Variants in YTHDC1 observed in about 807,000 individuals in gnomAD.
YTHDC1 encodes YTH domain-containing protein 1.
A neutral mutation model predicts 107.0 loss-of-function variants in YTHDC1; 12 were observed. That is an observed-to-expected ratio of 0.11 (90% CI 0.07 to 0.18). YTHDC1 has a LOEUF of 0.18. Among genes scored for constraint, YTHDC1 ranks in the 10% least tolerant of loss-of-function variants. The probability of loss-of-function intolerance (pLI) is 1.00; values close to 1 mark genes in which losing one functional copy is unlikely to be tolerated. For missense variants in YTHDC1, 635 were observed against 898.8 expected (o/e 0.71, Z 3.75); for synonymous variants, 280 against 289.5 (o/e 0.97, Z 0.33).
In YTHDC1 at chr4:68,338,493, T is replaced by C. The variant is rs1037159759; in HGVS notation, c.29-109A>G. On this transcript the variant is annotated intron_variant, in intron 1 of 16. Coordinates refer to ENST00000344157, the MANE Select transcript of YTHDC1 (RefSeq NM_001031732.4). Reference sequence around the variant, plus strand: ...AAGCGCCTAGGAGCTTTTACTTTTATATAAAAAGCTTTACTTTTATTTCAG... The same window carrying C: ...AAGCGCCTAGGAGCTTTTACTTTTACATAAAAAGCTTTACTTTTATTTCAG... 32 of 665,684 alleles carry C rather than the reference T, an allele frequency of 4.8e-5. No homozygotes were observed. The South Asian group carries it at 6.5e-4, about 13-fold the overall frequency. The allele number at this position is 665,684 out of a possible 1,614,324, so 41.2% of individuals were successfully genotyped here.
chr4:68,328,725 A>C (rs537648389), intron 9 of YTHDC1, among the ~76,000 whole-genome samples: 82 of 152,210 alleles, frequency 5.4e-4, no homozygotes, highest in Non-Finnish European at 9.3e-4. Flanking sequence ...TAATACAGTT[A>C]TGTGTCACTT....
At position 68,318,509 on chromosome 4, in the gene YTHDC1, T is replaced by C. The variant is rs1383483320; in HGVS notation, c.1824+10A>G. The stretch of plus-strand genomic sequence containing the variant: ...AGTTATGTAACTTATAAAAATAGAA[T>C]AATACAAACCATTCCTTGCCAAGGT... On this transcript the variant is annotated intron_variant, in intron 15 of 16. Coordinates refer to ENST00000344157, the MANE Select transcript of YTHDC1 (RefSeq NM_001031732.4). 1 of 1,600,488 alleles carries C rather than the reference T, an allele frequency of 6.2e-7. No individual in the cohort carries two copies. Among genetic ancestry groups the C allele is most frequent in the East Asian group, 2.2e-5 (1 of 44,742 alleles).
In YTHDC1 at chr4:68,348,128, T is replaced by A. The variant is rs188039384; in HGVS notation, c.28+1598A>T. 2.3e-3 allele frequency among the ~76,000 whole-genome samples: 345 copies of A among 152,346 alleles called. 3 individuals carry two copies. The highest frequency in any genetic ancestry group is 4.5e-3 in the Non-Finnish European group (306 of 68,028). On this transcript the variant is annotated intron_variant, in intron 1 of 16. Coordinates refer to ENST00000344157, the MANE Select transcript of YTHDC1 (RefSeq NM_001031732.4). ...TTTATGTATTTGGACTGCATTATCA[T>A]CACTAAATCATTTCTAAAGCAAAAC...
At chr4:68,349,648 C>CCAACCA in intron 1 of YTHDC1, 78 bp downstream of exon 1, 1 of 458,744 alleles carries the variant, frequency 2.2e-6, no homozygotes. Flanking sequence ...CCCCCCACCC[C>CCAACCA]CAACGACGAC....
intron 9 of YTHDC1, among the ~76,000 whole-genome samples, chr4:68,325,244 G>A (rs1033888543): frequency 2.0e-5 from 3 of 152,130 alleles, no homozygotes; most frequent in Non-Finnish European, 2.9e-5. Flanking sequence ...CAAAGACAAT[G>A]GGTACTATAT....
chr4:68,313,248 A>C lies in YTHDC1; in HGVS notation c.*851T>G, dbSNP rs1334255667. On this transcript the variant is annotated 3_prime_UTR_variant, in exon 17 of 17. Coordinates refer to ENST00000344157, the MANE Select transcript of YTHDC1 (RefSeq NM_001031732.4). ...GGGGTTCCTAAAATTCCTGAACAAA[A>C]AGCATGCTTTTATGTCCATTATTGC... The C allele has an allele frequency of 6.6e-6, 1 of 152,400 alleles. No homozygotes were observed. The highest frequency in any genetic ancestry group is 1.5e-5 in the Non-Finnish European group (1 of 68,026). The allele number at this position is 152,400 out of a possible 1,614,324, so 9.4% of individuals were successfully genotyped here.
At chr4:68,349,521 G>A (rs1459356612) in intron 1 of YTHDC1, among the ~76,000 whole-genome samples, 1 of 151,918 alleles carries the variant, frequency 6.6e-6, no homozygotes, top group East Asian at 1.9e-4. Flanking sequence ...CTGAGATGAA[G>A]TGCTAGGCCA....
chr4:68,349,861 C>G lies in YTHDC1; in HGVS notation c.-108G>C. The G allele has an allele frequency of 6.6e-7, 1 of 1,506,064 alleles. No homozygotes were observed. Among genetic ancestry groups the G allele is most frequent in the Non-Finnish European group, 9.1e-7 (1 of 1,093,144 alleles). 93.3% of individuals were successfully genotyped at this position (1,506,064 alleles called of 1,614,324 possible). ...ACGGGCCCGTCCGTCAGTCCGTCTG[C>G]CCGGATACGCGCGTCGCACTTGGCC... On this transcript the variant is annotated 5_prime_UTR_variant, in exon 1 of 17. Transcript: ENST00000344157.
intron 9 of YTHDC1, among the ~76,000 whole-genome samples, chr4:68,326,375 G>A (rs1722991528): frequency 1.3e-5 from 2 of 152,128 alleles, no homozygotes; most frequent in Non-Finnish European, 1.5e-5. Context: ...AAGAAAAATT[G>A]CAGGGTCTGT....
At chr4:68,340,520 T>C (rs1156943993) in intron 1 of YTHDC1, among the ~76,000 whole-genome samples, 2 of 152,026 alleles carry the variant, frequency 1.3e-5, no homozygotes, top group Non-Finnish European at 2.9e-5. Flanking sequence ...TTCTTCAAGA[T>C]CTGAATGGTG....
chr4:68,349,761 C>G lies in YTHDC1; in HGVS notation c.-8G>C, dbSNP rs763633591. The G allele has an allele frequency of 3.1e-6, 5 of 1,613,356 alleles. No individual in the cohort carries two copies. The Admixed American group carries it at 8.3e-5, about 27-fold the overall frequency. ...CCGACTGTCAGCCGCCATGGCTCCCCTTCGGTTTCCGCCGCTGCCACCGCC... is the reference window on the plus strand; with the variant it reads ...CCGACTGTCAGCCGCCATGGCTCCCGTTCGGTTTCCGCCGCTGCCACCGCC... On this transcript the variant is annotated 5_prime_UTR_variant, in exon 1 of 17. Coordinates refer to ENST00000344157, the MANE Select transcript of YTHDC1 (RefSeq NM_001031732.4).
chr4:68,336,364 G>A (rs28693822), intron 4 of YTHDC1, among the ~76,000 whole-genome samples: 1,744 of 151,980 alleles, frequency 0.011, 35 homozygotes, highest in African/African-American at 0.039. Flanking sequence ...CTCCAACTAC[G>A]TAACAGTCAT....
At chr4:68,335,267 T>C (rs1724025881) in intron 4 of YTHDC1, among the ~76,000 whole-genome samples, 1 of 141,598 alleles carries the variant, frequency 7.1e-6, no homozygotes, top group Non-Finnish European at 1.6e-5. Flanking sequence ...AATCACCCCA[T>C]TACTCTTTCA....
At chr4:68,324,978 C>T (rs1172636801) in intron 9 of YTHDC1, among the ~76,000 whole-genome samples, 1 of 120,278 alleles carries the variant, frequency 8.3e-6, no homozygotes, top group Middle Eastern at 4.1e-3. Flanking sequence ...CACATGAATA[C>T]AAAGATGACA....
Position 68,312,937 on chromosome 4 carries a change from A to C in YTHDC1, c.*1162T>G, listed in dbSNP as rs953250468. ...TTACCACTGGGAGAACTGGACAGTT[A>C]ACTTAAAATACAGAACTAATACAAG... On this transcript the variant is annotated 3_prime_UTR_variant, in exon 17 of 17. Coordinates refer to ENST00000344157, the MANE Select transcript of YTHDC1 (RefSeq NM_001031732.4). 9 of 152,218 alleles carry C rather than the reference A, an allele frequency of 5.9e-5. No homozygotes were observed. Among genetic ancestry groups the C allele is most frequent in the Non-Finnish European group, 1.0e-4 (7 of 68,036 alleles). 9.4% of individuals were successfully genotyped at this position (152,218 alleles called of 1,614,324 possible).
rs1011478448 is a variant in YTHDC1, at chr4:68,347,333, A to G, written c.28+2393T>C. Among the ~76,000 whole-genome samples the G allele has an allele frequency of 2.6e-5, 4 of 152,332 alleles. No homozygotes were observed. In the East Asian group the frequency reaches 7.7e-4, roughly 29 times the overall value. On this transcript the variant is annotated intron_variant, in intron 1 of 16. Coordinates refer to ENST00000344157, the MANE Select transcript of YTHDC1 (RefSeq NM_001031732.4). ...GAAAAGATGCATATTTCCTCCTTAT[A>G]TAGAAAAATGGCATTTAATATTAGT...
chr4:68,335,652 C>T lies in YTHDC1; in HGVS notation c.883+1375G>A, dbSNP rs150799365. ...CAAAAAGAAGATTCCTACAACAAAA[C>T]GTTCCCTACCCAAGGGAGTGGTTTC... On this transcript the variant is annotated intron_variant, in intron 4 of 16. Transcript: ENST00000344157. 3.1e-3 allele frequency among the ~76,000 whole-genome samples: 477 copies of T among 152,134 alleles called. 2 individuals carry two copies. Among genetic ancestry groups the T allele is most frequent in the African/African-American group, 0.011 (450 of 41,534 alleles).
intron 12 of YTHDC1, 145 bp from the exon 13 acceptor site, chr4:68,319,007 A>C: frequency 1.2e-6 from 1 of 818,918 alleles, no homozygotes; most frequent in South Asian, 1.8e-5. Flanking sequence ...TCCCATTTTC[A>C]AATTTTCTTC....
chr4:68,312,592 T>C lies in YTHDC1; in HGVS notation c.*1507A>G, dbSNP rs1578007381. 1 of 152,230 alleles carries C rather than the reference T, an allele frequency of 6.6e-6. No homozygotes were observed. The allele number at this position is 152,230 out of a possible 1,614,324, so 9.4% of individuals were successfully genotyped here. A position where few individuals can be genotyped will look rare whatever the true frequency, so the allele number is the denominator to read the frequency against. ...TTAGTTTTGTCATTGTAAATAAAAC[T>C]TCTGTGAATGCAGGGAAAGATACTA... On this transcript the variant is annotated 3_prime_UTR_variant, in exon 17 of 17. Coordinates refer to ENST00000344157, the MANE Select transcript of YTHDC1 (RefSeq NM_001031732.4).
Sources: gnomAD v4.1 joint callset for allele counts (sites outside exome capture counted in the v4.1 genomes callset) on GRCh38, gnomAD v4.1.1 for gene constraint, MANE v1.5 for transcripts, NCBI Gene and HGNC (gene_info 2026-07-23, HGNC 2026-07-21) for gene names.